Variants in PTPRM observed in about 807,000 individuals in gnomAD.
PTPRM encodes the protein receptor-type tyrosine-protein phosphatase mu.
In PTPRM, 47 loss-of-function variants were observed where a neutral mutation model predicts 186.7. The observed-to-expected ratio is 0.25, with a 90% confidence interval of 0.20 to 0.32. The LOEUF (loss-of-function observed/expected upper bound fraction) is 0.32, where lower values mean the gene tolerates loss of function less well. Among genes scored for constraint, PTPRM ranks in the 10% least tolerant of loss-of-function variants. PTPRM has a pLI of 1.00. For synonymous variants in PTPRM, 668 were observed against 674.9 expected, an observed-to-expected ratio of 0.99 and a Z score of 0.16; for missense variants, 1,494 against 1,865.0, an observed-to-expected ratio of 0.80 and a Z score of 3.66.
At chr18:7,657,050 C>G (rs1444250018) in intron 1 of PTPRM, among the ~76,000 whole-genome samples, 1 of 152,200 alleles carries the variant, frequency 6.6e-6, no homozygotes, top group Non-Finnish European at 1.5e-5. Flanking sequence ...TACAATGACC[C>G]TTTTTGCTAA....
chr18:8,261,139 G>A (rs183483796), intron 19 of PTPRM, among the ~76,000 whole-genome samples: 52 of 152,238 alleles, frequency 3.4e-4, no homozygotes, highest in Admixed American at 2.9e-3. Flanking sequence ...TTCATATTTC[G>A]AGGGACCAGC....
At chr18:8,022,405 G>A (rs926574729) in intron 7 of PTPRM, among the ~76,000 whole-genome samples, 2 of 152,326 alleles carry the variant, frequency 1.3e-5, no homozygotes, top group African/African-American at 4.8e-5. Context: ...GAGAAGGCAT[G>A]GAAGCTTGGA....
At chr18:7,942,975 T>C (rs762592092) in intron 5 of PTPRM, among the ~76,000 whole-genome samples, 2 of 152,190 alleles carry the variant, frequency 1.3e-5, no homozygotes, top group Admixed American at 6.5e-5. Context: ...GAGGGGTCTC[T>C]GAATGTGTGC....
At chr18:7,717,062 C>G (rs1393603583) in intron 1 of PTPRM, among the ~76,000 whole-genome samples, 1 of 152,154 alleles carries the variant, frequency 6.6e-6, no homozygotes, top group Admixed American at 6.5e-5. Context: ...AGACTTGGAA[C>G]CAACCCAAAT....
chr18:7,744,425 T>C (rs1489468660), intron 1 of PTPRM, among the ~76,000 whole-genome samples: 1 of 152,084 alleles, frequency 6.6e-6, no homozygotes, highest in Non-Finnish European at 1.5e-5. Context: ...AATTATCAAC[T>C]ATATTTGAGA....
At chr18:8,299,233 CAG>C (rs373408519) in intron 20 of PTPRM, among the ~76,000 whole-genome samples, 74 of 152,268 alleles carry the variant, frequency 4.9e-4, no homozygotes, top group Non-Finnish European at 9.3e-4. Flanking sequence ...CACAGCTGGA[CAG>C]AGAGTATGTA....
At chr18:7,715,338 G>T (rs1450630607) in intron 1 of PTPRM, among the ~76,000 whole-genome samples, 1 of 152,090 alleles carries the variant, frequency 6.6e-6, no homozygotes, top group African/African-American at 2.4e-5. Flanking sequence ...AATAAACTAG[G>T]TATTGATGGA....
intron 20 of PTPRM, among the ~76,000 whole-genome samples, chr18:8,298,093 C>T (rs561064603): frequency 8.1e-4 from 123 of 152,330 alleles, no homozygotes; most frequent in African/African-American, 2.6e-3. Context: ...AGTAGTCTAG[C>T]GCCGTGACAC....
chr18:8,086,751 A>G (rs2090453756), intron 10 of PTPRM, among the ~76,000 whole-genome samples: 1 of 152,152 alleles, frequency 6.6e-6, no homozygotes, highest in African/African-American at 2.4e-5. Flanking sequence ...AAGGAAAGGA[A>G]TATTCACAAC....
intron 4 of PTPRM, among the ~76,000 whole-genome samples, chr18:7,910,927 C>T (rs939200349): frequency 5.3e-5 from 8 of 152,082 alleles, no homozygotes; most frequent in African/African-American, 1.2e-4. Flanking sequence ...CCTATTCTCC[C>T]GACTTACTCT....
In PTPRM at chr18:7,918,985, G is replaced by A. The variant is rs534536924; in HGVS notation, c.548-7583G>A. 2.0e-5 allele frequency among the ~76,000 whole-genome samples: 3 copies of A among 152,320 alleles called. No homozygotes were observed. In the South Asian group the frequency reaches 6.2e-4, roughly 32 times the overall value. ...GACTTCTGTAGATGTCGAAACAGAG[G>A]AGGCTAGTTTCCTTTTTCTGCATAT... is the stretch of plus-strand genomic sequence containing the variant. On this transcript the variant is annotated intron_variant, in intron 4 of 32. Transcript: ENST00000580170.
chr18:8,163,990 C>A (rs2093276609), intron 14 of PTPRM, among the ~76,000 whole-genome samples: 1 of 152,170 alleles, frequency 6.6e-6, no homozygotes, highest in African/African-American at 2.4e-5. Context: ...GAAGAACTTG[C>A]AACCATTAAA....
Position 7,963,457 on chromosome 18 carries a change from T to G in PTPRM, c.1132+8043T>G, listed in dbSNP as rs192221048. On this transcript the variant is annotated intron_variant, in intron 7 of 32. Transcript: ENST00000580170. ...ATGGAGGTGGTTGTTCATAGAGTTA[T>G]CCAGTGACTCTTAAGGTGTTGTGAC... is the stretch of plus-strand genomic sequence containing the variant. 7.3e-4 allele frequency among the ~76,000 whole-genome samples: 111 copies of G among 152,314 alleles called. 3 individuals are homozygous for G. In the East Asian group the frequency reaches 0.02, roughly 27 times the overall value.
At chr18:8,405,458 G>A (rs1398424366) in intron 32 of PTPRM, among the ~76,000 whole-genome samples, 2 of 152,194 alleles carry the variant, frequency 1.3e-5, no homozygotes, top group African/African-American at 4.8e-5. Context: ...GTCCTCTGGG[G>A]AAGGCGCTGT....
intron 4 of PTPRM, among the ~76,000 whole-genome samples, chr18:7,923,021 G>A (rs961658029): frequency 2.0e-5 from 3 of 152,080 alleles, no homozygotes; most frequent in Non-Finnish European, 4.4e-5. Context: ...TGCTTTCTGG[G>A]TGCCAATAGC....
rs377568562 is a variant in PTPRM, at chr18:7,816,476, A to G, written c.196+42205A>G. Among the ~76,000 whole-genome samples the G allele has an allele frequency of 1.6e-4, 25 of 152,340 alleles. No homozygotes were observed. In the East Asian group the frequency reaches 2.9e-3, roughly 18 times the overall value. ...GGATGTCATTTCTAATAAATTACAAATCTTGGCACTTAAAAATTAAGTGGT... is the reference window on the plus strand; with the variant it reads ...GGATGTCATTTCTAATAAATTACAAGTCTTGGCACTTAAAAATTAAGTGGT... On this transcript the variant is annotated intron_variant, in intron 2 of 32. Transcript: ENST00000580170.
intron 3 of PTPRM, among the ~76,000 whole-genome samples, chr18:7,906,175 T>C (rs2049971168): frequency 6.6e-6 from 1 of 152,170 alleles, no homozygotes; most frequent in Non-Finnish European, 1.5e-5. Context: ...AGTTGCCGTC[T>C]GTGCCAACTC....
At chr18:8,238,539 C>T (rs1427173258) in intron 14 of PTPRM, among the ~76,000 whole-genome samples, 3 of 151,604 alleles carry the variant, frequency 2.0e-5, no homozygotes, top group African/African-American at 7.3e-5. Context: ...CATTAGAGCT[C>T]ATAGCATACT....
At chr18:8,352,418 GT>G (rs2095539068) in intron 23 of PTPRM, among the ~76,000 whole-genome samples, 2 of 152,090 alleles carry the variant, frequency 1.3e-5, no homozygotes. Flanking sequence ...CCAGTAGGTA[GT>G]TTTTAAACCC....
Sources: allele counts gnomAD v4.1 joint callset (sites outside exome capture counted in the v4.1 genomes callset), GRCh38; gene constraint gnomAD v4.1.1; transcripts MANE v1.5; gene names NCBI Gene and HGNC (gene_info 2026-07-23, HGNC 2026-07-21).